Variants in LPA observed in about 807,000 individuals in gnomAD.
LPA encodes apolipoprotein(a).
A neutral mutation model predicts 197.9 loss-of-function variants in LPA; 199 were observed. The ratio of observed to expected loss-of-function variants is 1.01; its 90% confidence interval spans 0.90 to 1.13. The LOEUF (loss-of-function observed/expected upper bound fraction) is 1.13, where lower values mean the gene tolerates loss of function less well. Ranked by LOEUF, LPA falls within the 50% of genes most tolerant of loss-of-function variation. The pLI is 0.00. For synonymous variants in LPA, 715 were observed against 639.5 expected (o/e 1.12, Z -1.78); for missense variants, 1,853 against 1,785.8 (o/e 1.04, Z -0.68).
In LPA at chr6:160,556,284, T is replaced by C. The variant is rs1778262094; in HGVS notation, c.4814-100A>G. 1.4e-5 allele frequency: 15 copies of C among 1,072,648 alleles called. No individual in the cohort carries two copies. In the Admixed American group the frequency reaches 2.7e-4, roughly 19 times the overall value. 66.4% of individuals were successfully genotyped at this position (1,072,648 alleles called of 1,614,324 possible). A position where few individuals can be genotyped will look rare whatever the true frequency, so the allele number is the denominator to read the frequency against. On this transcript the variant is annotated intron_variant, in intron 29 of 38. Transcript: ENST00000316300. Reference sequence around the variant, plus strand: ...GACAGTAGTTTCAGAATTATGACTGTTCTCTTTAGTATACTCACAAGCAGA... The same window carrying C: ...GACAGTAGTTTCAGAATTATGACTGCTCTCTTTAGTATACTCACAAGCAGA...
chr6:160,598,015 C>A (rs952169264), intron 20 of LPA, among the ~76,000 whole-genome samples: 1 of 152,118 alleles, frequency 6.6e-6, no homozygotes, highest in Non-Finnish European at 1.5e-5. Context: ...CTGGAGCTGC[C>A]TTTATTCTAG....
chr6:160,572,443 G>A (rs1187735845), intron 28 of LPA, among the ~76,000 whole-genome samples: 1 of 152,114 alleles, frequency 6.6e-6, no homozygotes, highest in African/African-American at 2.4e-5. Context: ...TATTGCCTCC[G>A]TACTTTGGTT....
intron 26 of LPA, among the ~76,000 whole-genome samples, chr6:160,582,662 A>G (rs1488199081): frequency 6.6e-6 from 1 of 152,102 alleles, no homozygotes; most frequent in African/African-American, 2.4e-5. Context: ...TGTCCAAATA[A>G]ATCATACAGC....
intron 14 of LPA, among the ~76,000 whole-genome samples, chr6:160,615,378 G>GTC (rs1457579929): frequency 1.5e-5 from 2 of 132,740 alleles, no homozygotes; most frequent in African/African-American, 5.8e-5. Context: ...GTGTGTGTGT[G>GTC]TGTGTGTAGC....
intron 28 of LPA, among the ~76,000 whole-genome samples, chr6:160,573,428 T>G (rs1057336996): frequency 6.6e-6 from 1 of 152,104 alleles, no homozygotes; most frequent in Non-Finnish European, 1.5e-5. Context: ...CCTCCTGAAT[T>G]CTCTTTCAGG....
At chr6:160,647,068 C>T (rs1779899516) in intron 2 of LPA, among the ~76,000 whole-genome samples, 1 of 152,144 alleles carries the variant, frequency 6.6e-6, no homozygotes, top group African/African-American at 2.4e-5. Flanking sequence ...AAACTTGCTC[C>T]CAGGCAGAAT....
At chr6:160,581,778 G>T (rs1778806317) in intron 26 of LPA, among the ~76,000 whole-genome samples, 1 of 151,978 alleles carries the variant, frequency 6.6e-6, no homozygotes, top group Non-Finnish European at 1.5e-5. Flanking sequence ...CTTGGGTGTG[G>T]GTTGAAACTA....
intron 1 of LPA, among the ~76,000 whole-genome samples, chr6:160,653,945 ATATATT>A (rs1780052036): frequency 2.4e-5 from 1 of 41,104 alleles, no homozygotes; most frequent in Non-Finnish European, 4.3e-5. Flanking sequence ...TATATTTTAT[ATATATT>A]ATATATAATA....
chr6:160,648,410 T>A (rs1779942907), intron 2 of LPA, among the ~76,000 whole-genome samples: 1 of 152,188 alleles, frequency 6.6e-6, no homozygotes, highest in Non-Finnish European at 1.5e-5. Flanking sequence ...ATTTGGAAAA[T>A]TTTCAGCCAT....
chr6:160,542,820 G>C lies in LPA; in HGVS notation c.5399-12C>G. The stretch of plus-strand genomic sequence containing the variant: ...AAATGAAGAGGATGCTGTGGCACAA[G>C]GTGGGAAAAGAAGTCGCATTTGAGT... On this transcript the variant is annotated splice_polypyrimidine_tract_variant and intron_variant, in intron 33 of 38. Transcript: ENST00000316300. 4 of 1,613,874 alleles carry C rather than the reference G, an allele frequency of 2.5e-6. No individual in the cohort carries two copies. The highest frequency in any genetic ancestry group is 3.4e-6 in the Non-Finnish European group (4 of 1,179,836).
chr6:160,584,946 A>C, intron 26 of LPA, 100 bp downstream of exon 26: 1 of 1,235,448 alleles, frequency 8.1e-7, no homozygotes, highest in Non-Finnish European at 1.2e-6. Flanking sequence ...CTCTGAGTCT[A>C]TGAGAAATTT....
intron 26 of LPA, among the ~76,000 whole-genome samples, chr6:160,583,169 T>G (rs547881445): frequency 1.3e-5 from 2 of 151,648 alleles, no homozygotes; most frequent in Non-Finnish European, 3.0e-5. Flanking sequence ...TTATCATTTT[T>G]GGGTCTATTT....
chr6:160,604,773 GA>G (rs2115058914), intron 18 of LPA, among the ~76,000 whole-genome samples: 1 of 152,300 alleles, frequency 6.6e-6, no homozygotes, highest in Admixed American at 6.5e-5. Context: ...GGTACTCTAA[GA>G]GTTTCATCAT....
intron 28 of LPA, among the ~76,000 whole-genome samples, chr6:160,571,586 T>A (rs1471884344): frequency 3.9e-5 from 6 of 152,180 alleles, no homozygotes; most frequent in Non-Finnish European, 7.4e-5. Flanking sequence ...AGAGGAGGAA[T>A]CTAGAGAGGC....
intron 16 of LPA, among the ~76,000 whole-genome samples, chr6:160,611,287 A>G (rs1339518989): frequency 6.6e-6 from 1 of 152,042 alleles, no homozygotes; most frequent in African/African-American, 2.4e-5. Flanking sequence ...GGGTAATCTA[A>G]GTGTTTGGTG....
At chr6:160,532,312 G>T (rs1209294440) in intron 38 of LPA, among the ~76,000 whole-genome samples, 1 of 151,990 alleles carries the variant, frequency 6.6e-6, no homozygotes, top group Non-Finnish European at 1.5e-5. Context: ...TGGCACTTAC[G>T]GCTCCCTTGC....
At chr6:160,602,216 A>C (rs992848967) in intron 18 of LPA, among the ~76,000 whole-genome samples, 1 of 152,118 alleles carries the variant, frequency 6.6e-6, no homozygotes, top group African/African-American at 2.4e-5. Context: ...TACTTGAAAG[A>C]CTTCTTTTTC....
intron 26 of LPA, among the ~76,000 whole-genome samples, chr6:160,582,054 C>T (rs1454080387): frequency 6.6e-6 from 1 of 152,034 alleles, no homozygotes; most frequent in African/African-American, 2.4e-5. Context: ...GCTGATGAAA[C>T]ATTCTTTTAT....
chr6:160,551,632 T>TA (rs1400150171), intron 30 of LPA, among the ~76,000 whole-genome samples: 1 of 152,198 alleles, frequency 6.6e-6, no homozygotes, highest in South Asian at 2.1e-4. Flanking sequence ...AGATTTTATA[T>TA]TTTTTCATGG....
Sources: allele counts gnomAD v4.1 joint callset (sites outside exome capture counted in the v4.1 genomes callset), GRCh38; gene constraint gnomAD v4.1.1; transcripts MANE v1.5; gene names NCBI Gene and HGNC (gene_info 2026-07-23, HGNC 2026-07-21).